Variants in CDKAL1 observed in about 807,000 individuals in gnomAD.
CDKAL1 encodes the protein CDKAL1 threonylcarbamoyladenosine tRNA methylthiotransferase, also known as threonylcarbamoyladenosine tRNA methylthiotransferase.
A neutral mutation model predicts 68.2 loss-of-function variants in CDKAL1; 32 were observed. The observed-to-expected ratio is 0.47, with a 90% CI of 0.35 to 0.63. CDKAL1 has a LOEUF of 0.63. Among genes scored for constraint, CDKAL1 ranks in the 30% least tolerant of loss-of-function variants. CDKAL1 has a pLI of 0.00. For missense variants in CDKAL1, 606 were observed against 696.7 expected (o/e 0.87, Z 1.47); for synonymous variants, 234 against 244.3 (o/e 0.96, Z 0.39).
chr6:20,586,537 C>T (rs996853071), intron 4 of CDKAL1, among the ~76,000 whole-genome samples: 1 of 152,110 alleles, frequency 6.6e-6, no homozygotes, highest in Non-Finnish European at 1.5e-5. Flanking sequence ...ACTTGAGAGG[C>T]TGAGGCAGGA....
intron 12 of CDKAL1, among the ~76,000 whole-genome samples, chr6:21,079,974 C>CTGTGTGTGTGTGTGTGTGTGTG (rs1206773584): frequency 4.9e-5 from 1 of 20,438 alleles, no homozygotes; most frequent in East Asian, 3.1e-3. Context: ...TCAACTTTGT[C>CTGTGTGTGTGTGTGTGTGTGTG]TCTGTGTGTG....
chr6:20,829,639 T>A (rs1270746171), intron 8 of CDKAL1, among the ~76,000 whole-genome samples: 3 of 152,182 alleles, frequency 2.0e-5, no homozygotes, highest in African/African-American at 7.2e-5. Flanking sequence ...TTTTTCAAGC[T>A]CTCCAAAAGA....
intron 9 of CDKAL1, among the ~76,000 whole-genome samples, chr6:20,919,982 G>A (rs1456891773): frequency 6.6e-6 from 1 of 152,164 alleles, no homozygotes; most frequent in Non-Finnish European, 1.5e-5. Flanking sequence ...CGTGTTTACA[G>A]TGTTGAATTC....
intron 4 of CDKAL1, among the ~76,000 whole-genome samples, chr6:20,554,438 A>T (rs1309324608): frequency 6.6e-6 from 1 of 152,208 alleles, no homozygotes; most frequent in Non-Finnish European, 1.5e-5. Context: ...CAGTGTGCTC[A>T]TTGGTGGCAA....
At chr6:21,027,299 A>G (rs924104629) in intron 11 of CDKAL1, among the ~76,000 whole-genome samples, 5 of 152,018 alleles carry the variant, frequency 3.3e-5, no homozygotes, top group African/African-American at 1.2e-4. Context: ...ACTTTACCTA[A>G]CTTATTCTCA....
chr6:20,684,030 G>A (rs936627286), intron 5 of CDKAL1, among the ~76,000 whole-genome samples: 5 of 152,066 alleles, frequency 3.3e-5, no homozygotes, highest in Admixed American at 2.6e-4. Flanking sequence ...ATCTTTTCGC[G>A]TCTTGATGGC....
At chr6:21,070,399 C>T (rs185855699) in intron 12 of CDKAL1, among the ~76,000 whole-genome samples, 98 of 139,338 alleles carry the variant, frequency 7.0e-4, no homozygotes, top group Admixed American at 1.9e-3. Flanking sequence ...TTGTTTCTCT[C>T]TTTTTTTTTT....
At chr6:20,872,922 T>A (rs749598312) in intron 9 of CDKAL1, among the ~76,000 whole-genome samples, 12 of 152,164 alleles carry the variant, frequency 7.9e-5, no homozygotes. Context: ...GACCAAGGAT[T>A]GTAGCCTGAG....
intron 4 of CDKAL1, among the ~76,000 whole-genome samples, chr6:20,601,584 G>A (rs1417328352): frequency 6.6e-6 from 1 of 152,122 alleles, no homozygotes; most frequent in African/African-American, 2.4e-5. Flanking sequence ...TTAGCGTGCT[G>A]GTAGTTGATG....
intron 13 of CDKAL1, among the ~76,000 whole-genome samples, chr6:21,197,484 T>C (rs1369811270): frequency 6.6e-6 from 1 of 152,260 alleles, no homozygotes; most frequent in Non-Finnish European, 1.5e-5. Context: ...AATTACTCAG[T>C]ACTTTCAGAA....
chr6:20,823,345 G>A (rs752117631), intron 8 of CDKAL1, among the ~76,000 whole-genome samples: 6 of 152,142 alleles, frequency 3.9e-5, no homozygotes, highest in East Asian at 3.9e-4. Flanking sequence ...AGATTCTAAC[G>A]GATGACATAG....
chr6:20,658,360 G>A (rs958362426), intron 5 of CDKAL1, among the ~76,000 whole-genome samples: 1 of 152,164 alleles, frequency 6.6e-6, no homozygotes, highest in South Asian at 2.1e-4. Context: ...TGGTAATGTC[G>A]AAGGGATGGC....
chr6:20,617,418 T>C (rs2127729028), intron 4 of CDKAL1, among the ~76,000 whole-genome samples: 1 of 151,686 alleles, frequency 6.6e-6, no homozygotes. Context: ...AGCTTAAAAC[T>C]ATTTTTTTTT....
At chr6:20,774,276 T>C (rs1162988845) in intron 7 of CDKAL1, among the ~76,000 whole-genome samples, 2 of 152,216 alleles carry the variant, frequency 1.3e-5, no homozygotes, top group Non-Finnish European at 2.9e-5. Flanking sequence ...ATATGAATGA[T>C]ACTCTAAAGC....
chr6:21,140,915 C>T (rs1444949804), intron 13 of CDKAL1, among the ~76,000 whole-genome samples: 12 of 152,212 alleles, frequency 7.9e-5, no homozygotes, highest in East Asian at 3.9e-4. Flanking sequence ...TCTTACATGG[C>T]GGCGCCAGGA....
chr6:20,940,895 C>T (rs11964084), intron 9 of CDKAL1, among the ~76,000 whole-genome samples: 2,535 of 152,162 alleles, frequency 0.017, 74 homozygotes, highest in African/African-American at 0.058. Context: ...TCAAGACCAT[C>T]CTGGCTAACA....
At position 20,629,523 on chromosome 6, in the gene CDKAL1, G is replaced by T. The variant is rs186658616; in HGVS notation, c.287-19770G>T. Among the ~76,000 whole-genome samples, 34 of 152,186 alleles carry T rather than the reference G, an allele frequency of 2.2e-4. 1 individual carries two copies. Among genetic ancestry groups the T allele is most frequent in the Non-Finnish European group, 1.9e-4 (13 of 68,008 alleles). ...GAATTCCTGTGCTCTGCACCTTGCT[G>T]TCCCTCTATAGGAATGCCCTTTTCA... On this transcript the variant is annotated intron_variant, in intron 4 of 15. Transcript: ENST00000274695.
intron 12 of CDKAL1, among the ~76,000 whole-genome samples, chr6:21,090,831 TCTCA>T (rs1772974238): frequency 7.2e-6 from 1 of 138,852 alleles, no homozygotes; most frequent in Non-Finnish European, 1.5e-5. Flanking sequence ...TGAGACAGAG[TCTCA>T]CTCTGTCACC....
chr6:21,055,715 G>A (rs1770793371), intron 11 of CDKAL1, among the ~76,000 whole-genome samples: 1 of 152,034 alleles, frequency 6.6e-6, no homozygotes, highest in South Asian at 2.1e-4. Context: ...TCCTTTTTAT[G>A]GCTGTATAGT....
Sources: gnomAD v4.1 joint callset for allele counts (sites outside exome capture counted in the v4.1 genomes callset) on GRCh38, gnomAD v4.1.1 for gene constraint, MANE v1.5 for transcripts, NCBI Gene and HGNC (gene_info 2026-07-23, HGNC 2026-07-21) for gene names.